SOX5: variants seen among roughly 807,000 people sequenced by gnomAD.
SOX5 encodes the protein transcription factor SOX-5.
A neutral mutation model predicts 92.0 loss-of-function variants in SOX5; 9 were observed. The observed-to-expected ratio is 0.10, with a 90% confidence interval of 0.06 to 0.17. The LOEUF is 0.17. Ranked by LOEUF, SOX5 falls within the 10% of genes least tolerant of loss-of-function variation. The pLI, the probability that SOX5 is intolerant of heterozygous loss-of-function variation, is 1.00. For missense variants in SOX5, 642 were observed against 944.5 expected, an observed-to-expected ratio of 0.68 and a Z score of 4.20; for synonymous variants, 344 against 336.3, an observed-to-expected ratio of 1.02 and a Z score of -0.25.
intron 3 of SOX5, among the ~76,000 whole-genome samples, chr12:23,776,628 A>G (rs2141653857): frequency 6.6e-6 from 1 of 152,114 alleles, no homozygotes; most frequent in East Asian, 1.9e-4. Flanking sequence ...TTTTTTTTTA[A>G]CAGGGGGATG....
intron 1 of SOX5, among the ~76,000 whole-genome samples, chr12:24,549,561 G>A (rs1952952334): frequency 6.6e-6 from 1 of 152,204 alleles, no homozygotes; most frequent in Non-Finnish European, 1.5e-5. Flanking sequence ...TGTCAGAAGT[G>A]GCTTTTGTGC....
rs545361029 is a variant in SOX5 at position 23,836,093 on chromosome 12, A to G, written c.481+9890T>C. 1.3e-5 allele frequency among the ~76,000 whole-genome samples: 2 copies of G among 151,956 alleles called. 1 individual carries two copies. Among genetic ancestry groups the G allele is most frequent in the South Asian group, 4.1e-4 (2 of 4,822 alleles). On this transcript the variant is annotated intron_variant, in intron 3 of 14. Coordinates refer to ENST00000451604, the MANE Select transcript of SOX5 (RefSeq NM_006940.6). ...TATATATAGTAATTTATATATTTTAATGCATTTCCCTTCAATACATAATTA... is the reference window on the plus strand; with the variant it reads ...TATATATAGTAATTTATATATTTTAGTGCATTTCCCTTCAATACATAATTA...
rs906185486 is a variant in SOX5 at position 23,619,625 on chromosome 12, T to C, written c.1018-15092A>G. 2.6e-5 allele frequency among the ~76,000 whole-genome samples: 4 copies of C among 152,150 alleles called. 1 individual carries two copies. The highest frequency in any genetic ancestry group is 4.1e-4 in the South Asian group (2 of 4,836). On this transcript the variant is annotated intron_variant, in intron 8 of 14. Transcript: ENST00000451604. The stretch of plus-strand genomic sequence containing the variant: ...AGGGTAATTCAGAAAGCACCTTTTA[T>C]GGAGGCTGGGCTCTTCTGATAAAAA...
At chr12:24,115,825 C>A (rs889608337) in intron 4 of SOX5, among the ~76,000 whole-genome samples, 2 of 151,978 alleles carry the variant, frequency 1.3e-5, no homozygotes, top group African/African-American at 4.8e-5. Context: ...GTTTTCAGAA[C>A]ATCATTATGT....
intron 1 of SOX5, among the ~76,000 whole-genome samples, chr12:24,499,401 T>C (rs1432256516): frequency 1.3e-5 from 2 of 152,220 alleles, no homozygotes; most frequent in Admixed American, 6.5e-5. Flanking sequence ...TTGAAAAAGA[T>C]GTGGCAATTC....
rs116192754 is a variant in SOX5, at chr12:24,315,087, C to T, written c.-173-37775G>A. ...AAAGTCTTAACATAAAGAAACTTCC[C>T]TGAAATCAAATCATATGACAGCTCA... On this transcript the variant is annotated intron_variant, in intron 2 of 4. Transcript: ENST00000446891. Among the ~76,000 whole-genome samples, 1,326 of 152,200 alleles carry T rather than the reference C, an allele frequency of 8.7e-3. 15 individuals carry two copies. The highest frequency in any genetic ancestry group is 0.03 in the African/African-American group (1,264 of 41,520).
At chr12:23,593,980 T>A (rs984382354) in intron 9 of SOX5, among the ~76,000 whole-genome samples, 19 of 152,150 alleles carry the variant, frequency 1.2e-4, no homozygotes, top group South Asian at 4.1e-4. Context: ...AGGCATTAAG[T>A]AAAACAAGAG....
intron 3 of SOX5, among the ~76,000 whole-genome samples, chr12:23,809,467 A>T (rs1454972868): frequency 6.6e-6 from 1 of 151,998 alleles, no homozygotes; most frequent in Non-Finnish European, 1.5e-5. Flanking sequence ...TATTACATAA[A>T]TTTTAAAAAA....
chr12:23,861,888 A>G (rs969766443), intron 2 of SOX5, among the ~76,000 whole-genome samples: 2 of 152,188 alleles, frequency 1.3e-5, no homozygotes, highest in African/African-American at 4.8e-5. Flanking sequence ...AAAAGATCCT[A>G]TTGAACACCT....
At chr12:23,838,118 T>A (rs2096457842) in intron 3 of SOX5, among the ~76,000 whole-genome samples, 1 of 140,430 alleles carries the variant, frequency 7.1e-6, no homozygotes, top group Non-Finnish European at 1.5e-5. Flanking sequence ...ATATTTATAT[T>A]TATACAACAT....
chr12:24,542,129 T>C (rs1256061230), intron 1 of SOX5, among the ~76,000 whole-genome samples: 2 of 152,230 alleles, frequency 1.3e-5, no homozygotes, highest in Non-Finnish European at 2.9e-5. Flanking sequence ...GATTCTATGA[T>C]ATATGACCCC....
chr12:23,865,283 A>G (rs2096798624), intron 2 of SOX5, among the ~76,000 whole-genome samples: 1 of 152,242 alleles, frequency 6.6e-6, no homozygotes, highest in African/African-American at 2.4e-5. Flanking sequence ...GGATATGTAC[A>G]GGGAAACAAA....
At chr12:23,730,413 A>C (rs2093348112) in intron 6 of SOX5, among the ~76,000 whole-genome samples, 1 of 152,208 alleles carries the variant, frequency 6.6e-6, no homozygotes, top group Non-Finnish European at 1.5e-5. Flanking sequence ...CAAACTTCTT[A>C]GTGCTTCTAA....
intron 2 of SOX5, among the ~76,000 whole-genome samples, chr12:24,278,515 C>G (rs1353668830): frequency 6.6e-6 from 1 of 152,090 alleles, no homozygotes; most frequent in Non-Finnish European, 1.5e-5. Context: ...GAGTTCAAGA[C>G]TAGCATGGGC....
chr12:24,530,011 C>T (rs1175458868), intron 1 of SOX5, among the ~76,000 whole-genome samples: 4 of 107,082 alleles, frequency 3.7e-5, no homozygotes, highest in Non-Finnish European at 5.1e-5. Context: ...CAGAGCGAGA[C>T]TCCGTCTCAA....
intron 11 of SOX5, among the ~76,000 whole-genome samples, chr12:23,563,053 G>A (rs1261219109): frequency 6.6e-6 from 1 of 152,198 alleles, no homozygotes; most frequent in Non-Finnish European, 1.5e-5. Flanking sequence ...ATAAGGTTTG[G>A]AGATGGATCA....
At chr12:23,824,307 G>A (rs2096185591) in intron 3 of SOX5, among the ~76,000 whole-genome samples, 1 of 152,142 alleles carries the variant, frequency 6.6e-6, no homozygotes. Context: ...TTTTTGCATG[G>A]TTGTCCTTTT....
At chr12:24,035,780 C>T (rs919415552) in intron 4 of SOX5, among the ~76,000 whole-genome samples, 1 of 151,984 alleles carries the variant, frequency 6.6e-6, no homozygotes, top group African/African-American at 2.4e-5. Context: ...TTCCCTGCTG[C>T]CGTCCCCTTC....
At chr12:24,410,068 G>A (rs1317173393) in intron 1 of SOX5, among the ~76,000 whole-genome samples, 3 of 151,804 alleles carry the variant, frequency 2.0e-5, no homozygotes, top group African/African-American at 7.3e-5. Context: ...TGCAATCAAG[G>A]CTCACTGCAG....
Sources: allele counts gnomAD v4.1 joint callset (sites outside exome capture counted in the v4.1 genomes callset), GRCh38; gene constraint gnomAD v4.1.1; transcripts MANE v1.5; gene names NCBI Gene and HGNC (gene_info 2026-07-23, HGNC 2026-07-21).